Variants in ARPIN observed in about 807,000 individuals in gnomAD.
The protein encoded by ARPIN is UPF0552 protein C15orf38.
A neutral mutation model predicts 25.9 loss-of-function variants in ARPIN; 23 were observed. The observed-to-expected ratio is 0.89, with a 90% CI of 0.64 to 1.26. The LOEUF is 1.26. Ranked by LOEUF, ARPIN falls within the 50% of genes most tolerant of loss-of-function variation. The pLI is 0.00. For synonymous variants in ARPIN, 126 were observed against 131.4 expected, an observed-to-expected ratio of 0.96 and a Z score of 0.28; for missense variants, 333 against 312.2, an observed-to-expected ratio of 1.07 and a Z score of -0.50.
Position 89,912,331 on chromosome 15 carries a change from C to T in ARPIN, c.92+413G>A, listed in dbSNP as rs938577079. On this transcript the variant is annotated intron_variant, in intron 1 of 5. Coordinates refer to ENST00000357484, the MANE Select transcript of ARPIN (RefSeq NM_182616.4). ...AGGCAGGCCCTGCTCTGGACCAGCC[C>T]GCCCGCTGTTCCCGCCACAGCACGG... is the stretch of plus-strand genomic sequence containing the variant. 8 of 1,005,222 alleles carry T rather than the reference C, an allele frequency of 8.0e-6. No individual in the cohort carries two copies. The African/African-American group carries it at 1.0e-4, about 13-fold the overall frequency. 62.3% of individuals were successfully genotyped at this position (1,005,222 alleles called of 1,614,324 possible). A position where few individuals can be genotyped will look rare whatever the true frequency, so the allele number is the denominator to read the frequency against.
At chr15:89,912,245 G>A in intron 1 of ARPIN, 1 of 988,942 alleles carries the variant, frequency 1.0e-6, no homozygotes, top group Non-Finnish European at 1.2e-6. Flanking sequence ...TAAATGGAAT[G>A]GTCCCTTCGG....
rs774313742 is a variant in ARPIN at position 89,903,115 on chromosome 15, G to A, written c.672+101C>T. ...CACAGAATTCCACTAAAGCTGGGGG[G>A]TAAGATTCATCCTGTCGTCTTCTCA... On this transcript the variant is annotated intron_variant, in intron 5 of 5. Transcript: ENST00000357484. The A allele has an allele frequency of 1.7e-5, 27 of 1,609,230 alleles. No individual in the cohort carries two copies. In the African/African-American group the frequency reaches 3.5e-4, roughly 21 times the overall value.
chr15:89,909,202 G>A (rs1897181254), intron 2 of ARPIN, among the ~76,000 whole-genome samples: 1 of 152,088 alleles, frequency 6.6e-6, no homozygotes, highest in Non-Finnish European at 1.5e-5. Context: ...AATATTATGA[G>A]GGTTCAATGA....
At chr15:89,909,086 G>GA (rs1331404074) in intron 2 of ARPIN, among the ~76,000 whole-genome samples, 2 of 152,192 alleles carry the variant, frequency 1.3e-5, no homozygotes, top group African/African-American at 4.8e-5. Context: ...AAAGGGCACT[G>GA]AAAAGGAGCC....
At position 89,912,797 on chromosome 15, in the gene ARPIN, C is replaced by T; in HGVS notation, c.39G>A (p.Lys13=). The change falls in exon 1 of 6, where the codon AAG becomes AAA. Residue 13 remains lysine, a synonymous_variant. Transcript: ENST00000357484. ...CTGGCAGCCGGACGCTCTGCACCGC[C>T]TTGTTCCGGAGCGCGCCGTCGTGGT... is the stretch of plus-strand genomic sequence containing the variant. The part of the protein sequence containing the change: ...RIYHDGALRN[K]AVQSVRLPGA... 1 of 1,526,268 alleles carries T rather than the reference C, an allele frequency of 6.6e-7. No individual in the cohort carries two copies. The highest frequency in any genetic ancestry group is 8.8e-7 in the Non-Finnish European group (1 of 1,141,408). 94.5% of individuals were successfully genotyped at this position (1,526,268 alleles called of 1,614,324 possible).
chr15:89,905,919 G>C (rs1897112719), intron 3 of ARPIN, among the ~76,000 whole-genome samples: 1 of 152,062 alleles, frequency 6.6e-6, no homozygotes, highest in African/African-American at 2.4e-5. Context: ...ACCCAGCAGT[G>C]CTCCTGGCAA....
In ARPIN at chr15:89,901,562, C is replaced by T. The variant is rs1189103780; in HGVS notation, c.*233G>A. ...ATGTAATGTCTAGGAAGGCTAGACT[C>T]ACATGCAGGGAGGGGCCCTCCCTGA... On this transcript the variant is annotated 3_prime_UTR_variant, in exon 6 of 6. Transcript: ENST00000357484. 5 of 579,538 alleles carry T rather than the reference C, an allele frequency of 8.6e-6. No homozygotes were observed. The highest frequency in any genetic ancestry group is 3.1e-5 in the Admixed American group (1 of 31,882). The allele number at this position is 579,538 out of a possible 1,614,324, so 35.9% of individuals were successfully genotyped here. A position where few individuals can be genotyped will look rare whatever the true frequency, so the allele number is the denominator to read the frequency against.
intron 2 of ARPIN, among the ~76,000 whole-genome samples, chr15:89,910,274 C>A (rs1407034978): frequency 1.3e-5 from 2 of 152,042 alleles, no homozygotes; most frequent in African/African-American, 4.8e-5. Flanking sequence ...AGTGGAAAGT[C>A]GGAACTAGCG....
rs1896941367 is a variant in ARPIN at position 89,897,051 on chromosome 15, T to C, written c.*4744A>G. 1 of 152,196 alleles carries C rather than the reference T, an allele frequency of 6.6e-6. No individual in the cohort carries two copies. Among genetic ancestry groups the C allele is most frequent in the Admixed American group, 6.5e-5 (1 of 15,270 alleles). The allele number at this position is 152,196 out of a possible 1,614,324, so 9.4% of individuals were successfully genotyped here. On this transcript the variant is annotated 3_prime_UTR_variant, in exon 6 of 6. Coordinates refer to ENST00000357484, the MANE Select transcript of ARPIN (RefSeq NM_182616.4). Reference sequence around the variant, plus strand: ...TTCCTAAAGAAATAACCCAAAAATATAGTTAGAGGTGGGGAATTAAGAGAA... The same window carrying C: ...TTCCTAAAGAAATAACCCAAAAATACAGTTAGAGGTGGGGAATTAAGAGAA...
At chr15:89,905,963 C>T (rs2141922539) in intron 3 of ARPIN, among the ~76,000 whole-genome samples, 1 of 152,192 alleles carries the variant, frequency 6.6e-6, no homozygotes, top group South Asian at 2.1e-4. Flanking sequence ...AGACCTCCTC[C>T]CCACAAACCT....
At chr15:89,905,354 C>T (rs1018226570) in intron 3 of ARPIN, among the ~76,000 whole-genome samples, 11 of 152,108 alleles carry the variant, frequency 7.2e-5, no homozygotes, top group Admixed American at 6.6e-5. Context: ...AAAACATCTC[C>T]TCTTTCCTTC....
rs1469249889 is a variant in ARPIN at position 89,908,291 on chromosome 15, A to T, written c.290T>A (p.Met97Lys). The T allele has an allele frequency of 6.2e-7, 1 of 1,614,202 alleles. No individual in the cohort carries two copies. Among genetic ancestry groups the T allele is most frequent in the Admixed American group, 1.7e-5 (1 of 60,022 alleles). The change falls in exon 3 of 6, where the codon ATG becomes AAG. Residue 97 changes from methionine to lysine, a missense_variant. Physicochemically the swap from Met to Lys is moderately conservative, Grantham distance 95. Coordinates refer to ENST00000357484, the MANE Select transcript of ARPIN (RefSeq NM_182616.4). Reference protein sequence around the residue: ...ATRKVNTGFLMSSYKVEAKGD... With the variant: ...ATRKVNTGFLKSSYKVEAKGD... ...CAGAGGATACCTACTGTAGGACGAC[A>T]TGAGGAAGCCCGTGTTCACCTTCCT...
intron 3 of ARPIN, 62 bp downstream of exon 3, chr15:89,908,218 G>A: frequency 6.2e-7 from 1 of 1,604,050 alleles, no homozygotes. Flanking sequence ...AGGCTCAGAA[G>A]AGAAAGGCCG....
rs1896970112 is a variant in ARPIN at position 89,898,754 on chromosome 15, G to C, written c.*3041C>G. 1 of 152,142 alleles carries C rather than the reference G, an allele frequency of 6.6e-6. No individual in the cohort carries two copies. The highest frequency in any genetic ancestry group is 2.4e-5 in the African/African-American group (1 of 41,430). 9.4% of individuals were successfully genotyped at this position (152,142 alleles called of 1,614,324 possible). Reference sequence around the variant, plus strand: ...TTAAGGAATTTGAACTTTTCATCTGGGGAGTAATAGGATCCAGTCTAGCTT... The same window carrying C: ...TTAAGGAATTTGAACTTTTCATCTGCGGAGTAATAGGATCCAGTCTAGCTT... On this transcript the variant is annotated 3_prime_UTR_variant, in exon 6 of 6. Coordinates refer to ENST00000357484, the MANE Select transcript of ARPIN (RefSeq NM_182616.4).
intron 5 of ARPIN, chr15:89,902,949 C>CCCTCTGCA (rs1317197620): frequency 7.2e-7 from 1 of 1,397,926 alleles, no homozygotes; most frequent in Non-Finnish European, 9.3e-7. Flanking sequence ...TGATTAATAT[C>CCCTCTGCA]CCTCTGCACC....
intron 3 of ARPIN, among the ~76,000 whole-genome samples, chr15:89,905,072 A>C (rs570162382): frequency 4.7e-5 from 7 of 148,694 alleles, no homozygotes; most frequent in Non-Finnish European, 8.9e-5. Context: ...CCCAGGCTGG[A>C]GTGCAGTGGT....
intron 3 of ARPIN, 94 bp downstream of exon 3, chr15:89,908,184 AAG>A: frequency 6.4e-7 from 1 of 1,562,904 alleles, no homozygotes; most frequent in South Asian, 1.2e-5. Context: ...AAGAGGGCTG[AAG>A]AGACACTTTC....
At chr15:89,910,718 A>G in intron 2 of ARPIN, 26 bp downstream of exon 2, 1 of 1,613,898 alleles carries the variant, frequency 6.2e-7, no homozygotes, top group Non-Finnish European at 8.5e-7. Context: ...AGTGCCCTCT[A>G]GCTAGCACCG....
At chr15:89,902,667 G>A (rs1305546159) in intron 5 of ARPIN, among the ~76,000 whole-genome samples, 1 of 152,124 alleles carries the variant, frequency 6.6e-6, no homozygotes, top group Non-Finnish European at 1.5e-5. Context: ...TCGTGCCCCT[G>A]CACTCCAGCC....
Sources: gnomAD v4.1 joint callset for allele counts (sites outside exome capture counted in the v4.1 genomes callset) on GRCh38, gnomAD v4.1.1 for gene constraint, MANE v1.5 for transcripts, NCBI Gene and HGNC (gene_info 2026-07-23, HGNC 2026-07-21) for gene names.